TDRD12: variants seen among roughly 807,000 people sequenced by gnomAD.
The protein encoded by TDRD12 is putative ATP-dependent RNA helicase TDRD12.
A neutral mutation model predicts 133.5 loss-of-function variants in TDRD12; 158 were observed. That is an observed-to-expected ratio of 1.18 (90% CI 1.04 to 1.35). The LOEUF (loss-of-function observed/expected upper bound fraction) is 1.35. Ranked by LOEUF, TDRD12 falls within the 40% of genes most tolerant of loss-of-function variation. The pLI is 0.00. For synonymous variants in TDRD12, 460 were observed against 477.9 expected, an observed-to-expected ratio of 0.96 and a Z score of 0.49; for missense variants, 1,443 against 1,321.3, an observed-to-expected ratio of 1.09 and a Z score of -1.43.
intron 8 of TDRD12, among the ~76,000 whole-genome samples, chr19:32,761,422 G>A (rs1166470531): frequency 2.0e-5 from 3 of 152,044 alleles, no homozygotes; most frequent in Admixed American, 6.6e-5. Context: ...GAGCTACTGC[G>A]CCTGGCCGAG....
chr19:32,785,278 G>T (rs2145643490), intron 11 of TDRD12, among the ~76,000 whole-genome samples: 1 of 152,324 alleles, frequency 6.6e-6, no homozygotes, highest in Non-Finnish European at 1.5e-5. Context: ...TTTTGAGTGA[G>T]ATTCTTAATC....
At chr19:32,778,866 TA>T (rs1300994020) in intron 11 of TDRD12, among the ~76,000 whole-genome samples, 4 of 152,210 alleles carry the variant, frequency 2.6e-5, no homozygotes, top group Non-Finnish European at 5.9e-5. Context: ...CCTGTTCTGT[TA>T]AAATGCCCTT....
chr19:32,801,768 A>C (rs1243532547), exon 19 of TDRD12: 2 of 1,379,334 alleles, frequency 1.4e-6, no homozygotes, highest in Admixed American at 4.2e-5. Context: ...AGTAGAAAGC[A>C]GTTCAATATT....
At chr19:32,738,914 T>A in exon 3 of TDRD12, 2 of 1,551,474 alleles carry the variant, frequency 1.3e-6, no homozygotes, top group Non-Finnish European at 1.7e-6. Context: ...GTCAAATCAA[T>A]TACGTCTTCC....
chr19:32,811,126 A>C, intron 23 of TDRD12, 84 bp from the exon 24 acceptor site: 1 of 1,087,140 alleles, frequency 9.2e-7, no homozygotes, highest in South Asian at 1.5e-5. Flanking sequence ...GTCTTTTTAT[A>C]TGTTTTCCAT....
chr19:32,797,680 G>A (rs921323944), intron 14 of TDRD12, 55 bp from the exon 15 acceptor site: 14 of 587,064 alleles, frequency 2.4e-5, no homozygotes, highest in South Asian at 2.2e-4. Context: ...GTTTCATATG[G>A]ATGCTGAATT....
rs1018791871 is a variant in TDRD12, at chr19:32,731,261, A to C, written c.25-464A>C. Among the ~76,000 whole-genome samples, 17 of 152,064 alleles carry C rather than the reference A, an allele frequency of 1.1e-4. No homozygotes were observed. The South Asian group carries it at 1.7e-3, about 15-fold the overall frequency. ...TCACATTGCTTTCTCTTTCTTACAA[A>C]AGAAGAATACAAATCAGGCACAGTG... On this transcript the variant is annotated intron_variant, in intron 1 of 27. Transcript: ENST00000444215.
intron 3 of TDRD12, among the ~76,000 whole-genome samples, chr19:32,739,815 T>C (rs528726902): frequency 0.013 from 1,719 of 129,320 alleles, 30 homozygotes; most frequent in African/African-American, 0.049. Context: ...ATCTCCTGGG[T>C]GCTCTCTGCA....
rs990864759 is a variant in TDRD12 at position 32,800,374 on chromosome 19, T to A, written c.1950+16T>A. On this transcript the variant is annotated intron_variant, in intron 17 of 27. Coordinates refer to ENST00000444215, the Ensembl canonical transcript of TDRD12. ...TGTCCAACAGGTAACTTTGTGTGTA[T>A]GTGTATGTGTATGTGTGTGTGTGTG... The A allele has an allele frequency of 6.8e-7, 1 of 1,468,140 alleles. No individual in the cohort carries two copies. The highest frequency in any genetic ancestry group is 9.0e-7 in the Non-Finnish European group (1 of 1,111,056). 90.9% of individuals were successfully genotyped at this position (1,468,140 alleles called of 1,614,324 possible). A position where few individuals can be genotyped will look rare whatever the true frequency, so the allele number is the denominator to read the frequency against.
At chr19:32,818,126 G>C (rs1287563311) in exon 27 of TDRD12, 2 of 702,590 alleles carry the variant, frequency 2.8e-6, no homozygotes, top group East Asian at 5.4e-5. Flanking sequence ...TCAAGACCAG[G>C]ATCATCCATC....
At chr19:32,813,118 G>T (rs1233967772) in intron 24 of TDRD12, among the ~76,000 whole-genome samples, 1 of 152,188 alleles carries the variant, frequency 6.6e-6, no homozygotes, top group Non-Finnish European at 1.5e-5. Flanking sequence ...CGAGGCTGCA[G>T]TGAGCTATGA....
intron 16 of TDRD12, 43 bp downstream of exon 16, chr19:32,798,478 G>A (rs748195456): frequency 2.7e-6 from 4 of 1,470,704 alleles, no homozygotes; most frequent in Non-Finnish European, 3.6e-6. Flanking sequence ...AGAGAGGCGT[G>A]ATTAACATGC....
At chr19:32,799,171 A>G (rs1260311262) in intron 16 of TDRD12, among the ~76,000 whole-genome samples, 1 of 152,182 alleles carries the variant, frequency 6.6e-6, no homozygotes, top group Non-Finnish European at 1.5e-5. Context: ...CACCAAGGGT[A>G]TGCACTTGGG....
At chr19:32,820,146 G>C (rs1238226679) in intron 27 of TDRD12, among the ~76,000 whole-genome samples, 1 of 152,150 alleles carries the variant, frequency 6.6e-6, no homozygotes, top group Non-Finnish European at 1.5e-5. Context: ...CTCGCTGCCT[G>C]AATCTGGAAA....
chr19:32,786,698 C>A (rs1449090228), intron 11 of TDRD12, among the ~76,000 whole-genome samples: 1 of 152,152 alleles, frequency 6.6e-6, no homozygotes, highest in Non-Finnish European at 1.5e-5. Context: ...GATATCCTTT[C>A]TTCCACTTGA....
intron 24 of TDRD12, among the ~76,000 whole-genome samples, 186 bp from the exon 25 acceptor site, chr19:32,813,497 CA>C (rs1967075510): frequency 6.6e-6 from 1 of 152,182 alleles, no homozygotes; most frequent in Non-Finnish European, 1.5e-5. Flanking sequence ...AGTTCCTTTC[CA>C]CACCTGCCTC....
At chr19:32,742,716 A>G in intron 3 of TDRD12, 65 bp from the exon 4 acceptor site, 1 of 1,442,580 alleles carries the variant, frequency 6.9e-7, no homozygotes, top group Non-Finnish European at 9.3e-7. Flanking sequence ...AAATAGGTAT[A>G]CTTTAACGGA....
intron 10 of TDRD12, 81 bp from the exon 11 acceptor site, chr19:32,777,068 A>G: frequency 4.4e-6 from 4 of 902,504 alleles, no homozygotes; most frequent in Non-Finnish European, 6.6e-6. Context: ...TTATTTTTTT[A>G]TTTTTGTCGA....
At chr19:32,802,889 G>T in intron 20 of TDRD12, 33 bp from the exon 21 acceptor site, 1 of 1,528,400 alleles carries the variant, frequency 6.5e-7, no homozygotes, top group South Asian at 1.2e-5. Flanking sequence ...TGGGATAGAT[G>T]ATCCACTTCC....
Sources: gnomAD v4.1 joint callset for allele counts (sites outside exome capture counted in the v4.1 genomes callset) on GRCh38, gnomAD v4.1.1 for gene constraint, MANE v1.5 for transcripts, NCBI Gene and HGNC (gene_info 2026-07-23, HGNC 2026-07-21) for gene names.